The following PADI6 variants were observed in gnomAD, a reference collection of about 807,000 sequenced individuals.
PADI6 encodes inactive protein-arginine deiminase type-6.
A neutral mutation model predicts 78.2 loss-of-function variants in PADI6; 66 were observed. The ratio of observed to expected loss-of-function variants is 0.84; its 90% CI spans 0.69 to 1.04. The LOEUF (loss-of-function observed/expected upper bound fraction) is 1.04. Among genes scored for constraint, PADI6 ranks in the 50% least tolerant of loss-of-function variants. PADI6 has a pLI of 0.00. For missense variants in PADI6, 854 were observed against 866.1 expected (o/e 0.99, Z 0.18); for synonymous variants, 397 against 346.9 (o/e 1.14, Z -1.60).
intron 11 of PADI6, among the ~76,000 whole-genome samples, 175 bp downstream of exon 11, chr1:17,394,629 A>G (rs1314942787): frequency 6.6e-6 from 1 of 152,186 alleles, no homozygotes; most frequent in Non-Finnish European, 1.5e-5. Context: ...TAAACCATTT[A>G]TTCTTTGATT....
chr1:17,372,421 C>T (rs2074971280), intron 1 of PADI6, 60 bp downstream of exon 1: 1 of 1,485,468 alleles, frequency 6.7e-7, no homozygotes, highest in Non-Finnish European at 9.4e-7. Flanking sequence ...GCCTGGGACC[C>T]AGTCCCCTTG....
At chr1:17,380,967 C>T (rs1255221964) in intron 4 of PADI6, 80 bp from the exon 5 acceptor site, 1 of 1,191,084 alleles carries the variant, frequency 8.4e-7, no homozygotes, top group African/African-American at 1.5e-5. Context: ...TTGGCTGGGC[C>T]CCTCTGCTAT....
rs142227339 is a variant in PADI6, at chr1:17,377,741, C to T, written c.368-2179C>T. On this transcript the variant is annotated intron_variant, in intron 3 of 15. Coordinates refer to ENST00000619609, the MANE Select transcript of PADI6 (RefSeq NM_207421.4). ...ACTCGCACTCCCAGTGTGTTCACTC[C>T]GGCTCGAGCCCCCATCCTCTCACCT... is the stretch of plus-strand genomic sequence containing the variant. Among the ~76,000 whole-genome samples the T allele has an allele frequency of 5.3e-5, 8 of 152,314 alleles. No homozygotes were observed. The East Asian group carries it at 5.8e-4, about 11-fold the overall frequency.
chr1:17,399,921 A>G (rs535688947), intron 15 of PADI6, among the ~76,000 whole-genome samples: 1 of 151,974 alleles, frequency 6.6e-6, no homozygotes, highest in East Asian at 2.0e-4. Context: ...CTATAATCCC[A>G]GCTAATCAGA....
rs546573472 is a variant in PADI6 at position 17,373,999 on chromosome 1, A to T, written c.294+766A>T. On this transcript the variant is annotated intron_variant, in intron 2 of 15. Transcript: ENST00000619609. ...TGGCTCATTCAGGGCAGGAGTGTTC[A>T]ACCTTGGTTGCAGGTGAGAACCACT... 4.6e-5 allele frequency among the ~76,000 whole-genome samples: 7 copies of T among 152,124 alleles called. No homozygotes were observed. The East Asian group carries it at 1.4e-3, about 29-fold the overall frequency.
At chr1:17,381,834 C>T (rs1381838417) in intron 5 of PADI6, 133 bp from the exon 6 acceptor site, 1 of 1,039,466 alleles carries the variant, frequency 9.6e-7, no homozygotes, top group Non-Finnish European at 1.4e-6. Flanking sequence ...TTCTTCGGGC[C>T]TGGGCCCTAG....
chr1:17,379,356 C>T lies in PADI6; in HGVS notation c.368-564C>T, dbSNP rs527394931. Reference sequence around the variant, plus strand: ...GTCTCGATCTCCTGACCTCGTGATCCGCCCGCCTCGGCCTCCCAAAGTGCT... The same window carrying T: ...GTCTCGATCTCCTGACCTCGTGATCTGCCCGCCTCGGCCTCCCAAAGTGCT... On this transcript the variant is annotated intron_variant, in intron 3 of 15. Transcript: ENST00000619609. 1.7e-4 allele frequency among the ~76,000 whole-genome samples: 25 copies of T among 143,488 alleles called. 1 individual carries two copies. The highest frequency in any genetic ancestry group is 6.3e-4 in the South Asian group (3 of 4,784). 94.1% of individuals were successfully genotyped at this position (143,488 alleles called of 152,430 possible).
At chr1:17,401,165 G>T (rs769008537) in intron 15 of PADI6, 40 bp from the exon 16 acceptor site, 1 of 1,596,118 alleles carries the variant, frequency 6.3e-7, no homozygotes, top group Non-Finnish European at 8.6e-7. Flanking sequence ...TCAGGCCTCT[G>T]ATCCCTGTCC....
chr1:17,394,050 G>A lies in PADI6; in HGVS notation c.1150G>A (p.Asp384Asn), dbSNP rs560246479. Residue 384 changes from aspartate to asparagine, a missense_variant, in exon 10 of 16, where the codon GAT (aspartate) becomes AAT (asparagine). Physicochemically the swap from Asp to Asn is conservative, Grantham distance 23. Coordinates refer to ENST00000619609, the MANE Select transcript of PADI6 (RefSeq NM_207421.4). ...GATCCTCGACACACCTCAGGCCGCC[G>A]ATCTCGATGAGTTCCCCATGAAGTA... ...SLILDTPQAA[D>N]LDEFPMKYSL... The A allele has an allele frequency of 5.0e-5, 80 of 1,613,872 alleles. 1 individual carries two copies. In the Admixed American group the frequency reaches 8.5e-4, roughly 17 times the overall value.
rs746023647 is a variant in PADI6, at chr1:17,372,302, G to A, written c.57G>A (p.Leu19=). The change falls in exon 1 of 16, where the codon CTG becomes CTA. Residue 19 remains leucine (L), a synonymous_variant. Transcript: ENST00000619609. ...MSFQSIIHLS[L]DSPVHAVCVL... ...TCCAGAGTATCATCCACCTGTCCCT[G>A]GACAGCCCTGTCCATGCCGTTTGTG... is the stretch of plus-strand genomic sequence containing the variant. 1.6e-5 allele frequency: 26 copies of A among 1,613,830 alleles called. No homozygotes were observed. The East Asian group carries it at 2.7e-4, about 17-fold the overall frequency.
At chr1:17,397,897 C>A (rs537270653) in intron 14 of PADI6, among the ~76,000 whole-genome samples, 1 of 152,140 alleles carries the variant, frequency 6.6e-6, no homozygotes, top group South Asian at 2.1e-4. Context: ...TCCTCACTTC[C>A]GAGAAGCTGA....
intron 13 of PADI6, 111 bp downstream of exon 13, chr1:17,395,774 G>GA (rs754511835): frequency 1.5e-6 from 2 of 1,374,864 alleles, no homozygotes; most frequent in Non-Finnish European, 1.9e-6. Flanking sequence ...GGGAAGCACA[G>GA]AAGCTGTTGG....
Position 17,373,053 on chromosome 1 carries a change from C to T in PADI6, c.117-3C>T, listed in dbSNP as rs1486271665. 1 of 1,612,634 alleles carries T rather than the reference C, an allele frequency of 6.2e-7. No individual in the cohort carries two copies. Among genetic ancestry groups the T allele is most frequent in the Non-Finnish European group, 8.5e-7 (1 of 1,178,844 alleles). The stretch of plus-strand genomic sequence containing the variant: ...GACGCGTGTCTCTTACCGGGCAAAC[C>T]AGGTGTGCCCCCCAGAAGTGCCAGT... On this transcript the variant is annotated splice_region_variant and splice_polypyrimidine_tract_variant and intron_variant, in intron 1 of 15. Transcript: ENST00000619609.
intron 3 of PADI6, among the ~76,000 whole-genome samples, chr1:17,376,792 C>A (rs1043480978): frequency 6.6e-6 from 1 of 152,176 alleles, no homozygotes; most frequent in Admixed American, 6.6e-5. Context: ...TAGACACCTA[C>A]CACCAACGGA....
Position 17,401,225 on chromosome 1 carries a change from C to T in PADI6, c.1872C>T (p.Gly624=). 1 of 1,613,988 alleles carries T rather than the reference C, an allele frequency of 6.2e-7. No individual in the cohort carries two copies. The highest frequency in any genetic ancestry group is 8.5e-7 in the Non-Finnish European group (1 of 1,179,872). ...FPDLLRMIVM[G]KNLGIPKPFG... ...AACAGTTGCGGATGATTGTGATGGG[C>T]AAGAACCTGGGGATCCCCAAGCCTT... Residue 624 remains glycine, a synonymous_variant, in exon 16 of 16, where the codon GGC becomes GGT. Transcript: ENST00000619609.
chr1:17,395,935 CG>C (rs1176535179), intron 13 of PADI6, among the ~76,000 whole-genome samples: 1 of 151,820 alleles, frequency 6.6e-6, no homozygotes, highest in African/African-American at 2.4e-5. Context: ...GGGGGGAAAA[CG>C]GGTGTTAACA....
At chr1:17,373,751 CA>C (rs2074987126) in intron 2 of PADI6, among the ~76,000 whole-genome samples, 2 of 152,302 alleles carry the variant, frequency 1.3e-5, no homozygotes, top group Non-Finnish European at 2.9e-5. Context: ...CTCCACCTCC[CA>C]AAGTGCTGGG....
intron 13 of PADI6, among the ~76,000 whole-genome samples, 170 bp downstream of exon 13, chr1:17,395,833 C>T (rs1264930413): frequency 1.3e-5 from 2 of 152,162 alleles, no homozygotes; most frequent in Admixed American, 1.3e-4. Flanking sequence ...AGTGGTACTA[C>T]AACACAAGTA....
At chr1:17,376,886 CTTG>C (rs1415095291) in intron 3 of PADI6, among the ~76,000 whole-genome samples, 3 of 115,816 alleles carry the variant, frequency 2.6e-5, no homozygotes, top group East Asian at 3.6e-4. Flanking sequence ...TTTGTTTTGT[CTTG>C]TTTTTTGTTT....
Sources: allele counts gnomAD v4.1 joint callset (sites outside exome capture counted in the v4.1 genomes callset), GRCh38; gene constraint gnomAD v4.1.1; transcripts MANE v1.5; gene names NCBI Gene and HGNC (gene_info 2026-07-23, HGNC 2026-07-21).